The following HSH2D variants were observed in gnomAD, a reference collection of about 807,000 sequenced individuals.
The protein encoded by HSH2D is hematopoietic SH2 domain-containing protein.
In HSH2D, 16 loss-of-function variants were observed where a neutral mutation model predicts 21.5. That is an observed-to-expected ratio of 0.74 (90% confidence interval 0.50 to 1.13). The LOEUF (loss-of-function observed/expected upper bound fraction) is 1.13, where lower values mean the gene tolerates loss of function less well. HSH2D is among the 50% of genes most tolerant of loss of function. The pLI is 0.00. For missense variants in HSH2D, 418 were observed against 441.4 expected (o/e 0.95, Z 0.47); for synonymous variants, 172 against 184.7 (o/e 0.93, Z 0.56).
chr19:16,141,526 A>G (rs1328993211), upstream of HSH2D, among the ~76,000 whole-genome samples: 1 of 152,216 alleles, frequency 6.6e-6, no homozygotes, highest in Admixed American at 6.5e-5. Flanking sequence ...AAAGGGCTTC[A>G]GCTTATTTAA....
At chr19:16,136,393 G>C (rs2145006680) in intron 1 of HSH2D, among the ~76,000 whole-genome samples, 1 of 152,262 alleles carries the variant, frequency 6.6e-6, no homozygotes, top group South Asian at 2.1e-4. Context: ...TCACGGATAA[G>C]AGGGAGCTGC....
intron 2 of HSH2D, among the ~76,000 whole-genome samples, chr19:16,150,824 C>T (rs1023825037): frequency 3.3e-5 from 5 of 152,296 alleles, no homozygotes; most frequent in African/African-American, 1.2e-4. Context: ...CATCTCTGCA[C>T]TCCAGCCTGA....
chr19:16,137,371 T>C (rs887401184), intron 1 of HSH2D, among the ~76,000 whole-genome samples: 3 of 152,080 alleles, frequency 2.0e-5, no homozygotes, highest in African/African-American at 7.2e-5. Context: ...CTCACACCTA[T>C]AATCCCAGCA....
At chr19:16,142,456 G>T (rs1346525462), upstream of HSH2D, among the ~76,000 whole-genome samples, 1 of 151,866 alleles carries the variant, frequency 6.6e-6, no homozygotes, top group Non-Finnish European at 1.5e-5. Context: ...TGTTTTGTTT[G>T]GTTTTCGTTG....
In HSH2D at chr19:16,154,481, C is replaced by A; in HGVS notation, c.464C>A (p.Ala155Asp). The change falls in exon 5 of 6, where the codon GCC becomes GAC. Residue 155 changes from alanine to aspartate, a missense_variant. By Grantham distance (126) the Ala-to-Asp change is moderately radical (BLOSUM62 -2). Transcript: ENST00000613986. The stretch of plus-strand genomic sequence containing the variant: ...GAGGAAGCTGCCTGCCCGGTGTCTG[C>A]CCCTGAGGAGGTATGTATATGACAG... ...VAEEAACPVS[A>D]PEEASPKPVL... 1 of 1,550,768 alleles carries A rather than the reference C, an allele frequency of 6.4e-7. No individual in the cohort carries two copies. Among genetic ancestry groups the A allele is most frequent in the Non-Finnish European group, 8.7e-7 (1 of 1,146,150 alleles).
At position 16,157,501 on chromosome 19, in the gene HSH2D, G is replaced by A. The variant is rs1407841748; in HGVS notation, c.766G>A (p.Gly256Arg). Residue 256 changes from glycine to arginine, a missense_variant, in exon 6 of 6, where the codon GGG becomes AGG. By Grantham distance (125) the Gly-to-Arg change is moderately radical. Transcript: ENST00000613986. This position sits in a 1 kb window ranked among gnomAD's most constrained non-coding sequence, Gnocchi z 4.4. ...GTGKGSQDHS[G>R]DPTSGDRGYT... Reference sequence around the variant, plus strand: ...CGGAAAAGGCAGCCAAGATCACTCAGGGGATCCCACCTCGGGGGACAGAGG... The same window carrying A: ...CGGAAAAGGCAGCCAAGATCACTCAAGGGATCCCACCTCGGGGGACAGAGG... 1.2e-6 allele frequency: 2 copies of A among 1,613,908 alleles called. No homozygotes were observed. The highest frequency in any genetic ancestry group is 2.2e-5 in the East Asian group (1 of 44,874).
intron 1 of HSH2D, among the ~76,000 whole-genome samples, chr19:16,145,566 A>C (rs1459073453): frequency 6.6e-6 from 1 of 151,986 alleles, no homozygotes; most frequent in African/African-American, 2.4e-5. Flanking sequence ...AACATTTCTT[A>C]ATACAGTTAT....
chr19:16,153,053 A>G lies in HSH2D; in HGVS notation c.226A>G (p.Ser76Gly), dbSNP rs2091182810. ...GCAGTGTCTCCGCAGAGCCCAAAGC[A>G]GCTGCTGCCATTTCATGGTGAAGCT... is the stretch of plus-strand genomic sequence containing the variant. ...GYTLSYKAQS[S>G]CCHFMVKLLD... is the part of the protein sequence containing the mutation. The change falls in exon 4 of 6, where the codon AGC (serine) becomes GGC (glycine). Residue 76 changes from serine (S) to glycine (G), a missense_variant. Transcript: ENST00000613986. 1 of 1,610,388 alleles carries G rather than the reference A, an allele frequency of 6.2e-7. No individual in the cohort carries two copies. The highest frequency in any genetic ancestry group is 2.2e-5 in the East Asian group (1 of 44,778).
chr19:16,143,664 C>G, upstream of HSH2D: 3 of 419,998 alleles, frequency 7.1e-6, no homozygotes, highest in Non-Finnish European at 9.7e-6. Context: ...GGAACTGCCT[C>G]GGGGCAGCCA....
At chr19:16,152,937 C>A in intron 3 of HSH2D, 106 bp from the exon 4 acceptor site, 1 of 1,343,370 alleles carries the variant, frequency 7.4e-7, no homozygotes, top group Non-Finnish European at 1.0e-6. Flanking sequence ...GCATGGGAAC[C>A]TGGGGTAGTC....
chr19:16,151,667 G>A, intron 2 of HSH2D: 2 of 453,372 alleles, frequency 4.4e-6, no homozygotes, highest in Admixed American at 2.4e-5. Context: ...TGTGGGAGAT[G>A]GGAGGAGGTC....
At chr19:16,135,315 G>T (rs1190928776) in intron 1 of HSH2D, among the ~76,000 whole-genome samples, 1 of 151,796 alleles carries the variant, frequency 6.6e-6, no homozygotes, top group Non-Finnish European at 1.5e-5. Context: ...TGTAGTCCCA[G>T]CTACTCAGGA....
chr19:16,143,504 A>G (rs1222651259), upstream of HSH2D: 5 of 252,690 alleles, frequency 2.0e-5, no homozygotes, highest in African/African-American at 1.2e-4. Flanking sequence ...AACAGCAGGC[A>G]CACAGTAGGT....
intron 1 of HSH2D, among the ~76,000 whole-genome samples, chr19:16,147,936 C>T (rs2091095070): frequency 6.6e-6 from 1 of 151,722 alleles, no homozygotes; most frequent in Non-Finnish European, 1.5e-5. Context: ...TGAGCCACCA[C>T]GCCCAGCCAC....
chr19:16,138,128 A>G (rs1205198968), intron 1 of HSH2D, among the ~76,000 whole-genome samples: 1 of 152,146 alleles, frequency 6.6e-6, no homozygotes, highest in Non-Finnish European at 1.5e-5. Flanking sequence ...TTGGCCTCCC[A>G]AAGTGCTAGA....
intron 2 of HSH2D, 78 bp downstream of exon 2, chr19:16,148,953 T>G (rs1048204352): frequency 9.0e-6 from 13 of 1,445,654 alleles, no homozygotes; most frequent in Admixed American, 2.2e-5. Flanking sequence ...AGCTTTTAAC[T>G]GCAGAATTCT....
At chr19:16,139,923 G>C (rs561344691), upstream of HSH2D, 1 of 152,356 alleles carries the variant, frequency 6.6e-6, no homozygotes, top group Non-Finnish European at 1.5e-5. Context: ...ACTGAGGGGT[G>C]TGGGGGTGAT....
rs1403381113 is a variant in HSH2D at position 16,144,346 on chromosome 19, C to T, written c.-28+572C>T. Among the ~76,000 whole-genome samples, 7 of 151,060 alleles carry T rather than the reference C, an allele frequency of 4.6e-5. No individual in the cohort carries two copies. In the South Asian group the frequency reaches 6.3e-4, roughly 14 times the overall value. Reference sequence around the variant, plus strand: ...GGAACGTTGGGGACAGAGAGGGGTGCCAGGGTGTTGTCTGGGGGGAGATGC... The same window carrying T: ...GGAACGTTGGGGACAGAGAGGGGTGTCAGGGTGTTGTCTGGGGGGAGATGC... On this transcript the variant is annotated intron_variant, in intron 1 of 5. Coordinates refer to ENST00000613986, the MANE Select transcript of HSH2D (RefSeq NM_001382417.1).
chr19:16,152,523 T>G (rs754881083), intron 2 of HSH2D, 29 bp from the exon 3 acceptor site: 16 of 1,428,842 alleles, frequency 1.1e-5, no homozygotes, highest in South Asian at 1.6e-5. Context: ...CTGGACTGTT[T>G]CATTTCCTTT....
Sources: gnomAD v4.1 joint callset for allele counts (sites outside exome capture counted in the v4.1 genomes callset) on GRCh38, gnomAD v4.1.1 for gene constraint, Gnocchi (gnomAD v3.1) non-coding constraint, MANE v1.5 for transcripts, NCBI Gene and HGNC (gene_info 2026-07-23, HGNC 2026-07-21) for gene names.